The following ABCA13 variants were observed in gnomAD, a reference collection of about 807,000 sequenced individuals.
The protein encoded by ABCA13 is ATP-binding cassette sub-family A member 13.
ABCA13 carries 476 observed loss-of-function variants against 478.7 expected under a neutral mutation model. That is an observed-to-expected ratio of 0.99 (90% CI 0.92 to 1.07). ABCA13 has a LOEUF of 1.07. Ranked by LOEUF, ABCA13 falls within the 50% of genes least tolerant of loss-of-function variation. The probability of loss-of-function intolerance (pLI) is 0.00; values close to 1 mark genes in which losing one functional copy is unlikely to be tolerated. For missense variants in ABCA13, 6,060 were observed against 5,910.6 expected, an observed-to-expected ratio of 1.03 and a Z score of -0.83; for synonymous variants, 2,252 against 2,158.9, an observed-to-expected ratio of 1.04 and a Z score of -1.20.
At chr7:48,469,352 T>C (rs755563230) in intron 44 of ABCA13, among the ~76,000 whole-genome samples, 1 of 152,146 alleles carries the variant, frequency 6.6e-6, no homozygotes, top group Non-Finnish European at 1.5e-5. Flanking sequence ...GTTGAGGCCA[T>C]GGATCAGCAG....
At chr7:48,484,205 C>T (rs2130595224) in intron 47 of ABCA13, among the ~76,000 whole-genome samples, 1 of 152,242 alleles carries the variant, frequency 6.6e-6, no homozygotes, top group East Asian at 1.9e-4. Flanking sequence ...AGTCATACTT[C>T]ACAATGTAAT....
intron 55 of ABCA13, among the ~76,000 whole-genome samples, chr7:48,571,761 A>G (rs576203735): frequency 6.6e-6 from 1 of 152,336 alleles, no homozygotes; most frequent in South Asian, 2.1e-4. Context: ...TTCAATCTTT[A>G]TAACTTTCTT....
intron 48 of ABCA13, among the ~76,000 whole-genome samples, chr7:48,499,928 T>G (rs1205767662): frequency 6.6e-6 from 1 of 152,172 alleles, no homozygotes; most frequent in African/African-American, 2.4e-5. Flanking sequence ...ATTACAGAGA[T>G]TGTCCATTGC....
intron 32 of ABCA13, among the ~76,000 whole-genome samples, chr7:48,369,692 A>G (rs1812332496): frequency 2.0e-5 from 3 of 152,286 alleles, no homozygotes; most frequent in South Asian, 4.1e-4. Flanking sequence ...GTTGAAGATC[A>G]GTTGGCTGTA....
At chr7:48,407,562 C>T (rs564910459) in intron 39 of ABCA13, among the ~76,000 whole-genome samples, 1 of 151,434 alleles carries the variant, frequency 6.6e-6, no homozygotes, top group African/African-American at 2.4e-5. Context: ...TAGAGTATAA[C>T]AACTTTTTTT....
At chr7:48,192,884 C>T (rs1432722962) in intron 1 of ABCA13, 75 bp from the exon 2 acceptor site, 3 of 1,164,344 alleles carry the variant, frequency 2.6e-6, no homozygotes, top group Non-Finnish European at 3.6e-6. Context: ...TTAAAATGAC[C>T]TCCTTCAAGA....
At chr7:48,260,808 G>A (rs1794067544) in intron 15 of ABCA13, among the ~76,000 whole-genome samples, 1 of 151,828 alleles carries the variant, frequency 6.6e-6, no homozygotes. Flanking sequence ...GTCACTCTCT[G>A]GTGATTCTTT....
chr7:48,305,305 CCTT>C (rs1407049428), intron 23 of ABCA13, among the ~76,000 whole-genome samples: 1 of 152,202 alleles, frequency 6.6e-6, no homozygotes, highest in Non-Finnish European at 1.5e-5. Flanking sequence ...TGGCTTCAGT[CCTT>C]CTGGCCAGGT....
At chr7:48,625,930 G>T (rs1004419027) in intron 59 of ABCA13, among the ~76,000 whole-genome samples, 3 of 152,166 alleles carry the variant, frequency 2.0e-5, no homozygotes, top group African/African-American at 7.2e-5. Flanking sequence ...CATTTATTGA[G>T]TAACCACTTA....
At chr7:48,438,323 G>C (rs1189190842) in intron 42 of ABCA13, among the ~76,000 whole-genome samples, 1 of 152,058 alleles carries the variant, frequency 6.6e-6, no homozygotes, top group Non-Finnish European at 1.5e-5. Context: ...GTTTTTGATT[G>C]GGAGTTTGGT....
At chr7:48,171,876 G>C (rs147123841) in intron 1 of ABCA13, among the ~76,000 whole-genome samples, 1 of 152,358 alleles carries the variant, frequency 6.6e-6, no homozygotes, top group East Asian at 1.9e-4. Flanking sequence ...ACTGAACAGT[G>C]AATTCTCAGG....
intron 53 of ABCA13, 48 bp from the exon 54 acceptor site, chr7:48,524,200 C>T (rs781407046): frequency 6.5e-7 from 1 of 1,549,618 alleles, no homozygotes; most frequent in Non-Finnish European, 8.8e-7. Context: ...CTAGACTATT[C>T]TGGTATCATT....
At chr7:48,512,844 C>T (rs1347114055) in intron 51 of ABCA13, among the ~76,000 whole-genome samples, 2 of 152,136 alleles carry the variant, frequency 1.3e-5, no homozygotes, top group South Asian at 4.1e-4. Flanking sequence ...AGGGGTTACA[C>T]GCTTCTGGTT....
intron 41 of ABCA13, among the ~76,000 whole-genome samples, chr7:48,419,497 A>G (rs1820451236): frequency 6.6e-6 from 1 of 152,196 alleles, no homozygotes; most frequent in Admixed American, 6.5e-5. Flanking sequence ...ATCAAAGTAC[A>G]GAGGAGTTTC....
Position 48,623,343 on chromosome 7 carries a change from A to G in ABCA13, c.14837+7966A>G, listed in dbSNP as rs78710075. Among the ~76,000 whole-genome samples, 552 of 152,092 alleles carry G rather than the reference A, an allele frequency of 3.6e-3. 3 individuals carry two copies. The highest frequency in any genetic ancestry group is 0.012 in the African/African-American group (514 of 41,472). ...CTTCGTTATCCTTTTCTTTCTTTGT[A>G]TCTATGTCTGAGAAAGAAATCTGCT... On this transcript the variant is annotated intron_variant, in intron 59 of 61. Transcript: ENST00000435803.
intron 8 of ABCA13, among the ~76,000 whole-genome samples, chr7:48,236,591 A>C (rs148197861): frequency 6.6e-6 from 1 of 152,348 alleles, no homozygotes; most frequent in East Asian, 1.9e-4. Context: ...CAGCAATGGC[A>C]GGTCTAGTTC....
At chr7:48,641,208 C>T (rs1311945196) in intron 59 of ABCA13, among the ~76,000 whole-genome samples, 1 of 152,106 alleles carries the variant, frequency 6.6e-6, no homozygotes, top group African/African-American at 2.4e-5. Flanking sequence ...AAAAATGGAT[C>T]CTAATATGCA....
chr7:48,486,030 C>T (rs1563335650), intron 47 of ABCA13, among the ~76,000 whole-genome samples: 1 of 152,158 alleles, frequency 6.6e-6, no homozygotes, highest in Non-Finnish European at 1.5e-5. Flanking sequence ...TACATGTATT[C>T]CAGCCTGGGG....
At chr7:48,488,874 A>T (rs917813769) in intron 47 of ABCA13, among the ~76,000 whole-genome samples, 27 of 152,198 alleles carry the variant, frequency 1.8e-4, no homozygotes, top group African/African-American at 5.8e-4. Context: ...TTTTTCTGAT[A>T]ATCTTCCACA....
Sources: gnomAD v4.1 joint callset for allele counts (sites outside exome capture counted in the v4.1 genomes callset) on GRCh38, gnomAD v4.1.1 for gene constraint, MANE v1.5 for transcripts, NCBI Gene and HGNC (gene_info 2026-07-23, HGNC 2026-07-21) for gene names.